The following GIPC2 variants were observed in gnomAD, a reference collection of about 807,000 sequenced individuals.
GIPC2 encodes GIPC PDZ domain containing family member 2.
GIPC2 carries 30 observed loss-of-function variants against 30.6 expected under a neutral mutation model. The observed-to-expected ratio is 0.98, with a 90% CI of 0.73 to 1.33. The LOEUF (loss-of-function observed/expected upper bound fraction) is 1.33, where lower values mean the gene tolerates loss of function less well. GIPC2 is among the 40% of genes most tolerant of loss of function. GIPC2 has a pLI of 0.00. For synonymous variants in GIPC2, 167 were observed against 150.0 expected (o/e 1.11, Z -0.83); for missense variants, 414 against 390.3 (o/e 1.06, Z -0.51).
intron 3 of GIPC2, among the ~76,000 whole-genome samples, chr1:78,106,950 A>G (rs1023149332): frequency 6.6e-6 from 1 of 152,154 alleles, no homozygotes. Context: ...TGCTGGGATT[A>G]CAGGCATGAG....
intron 1 of GIPC2, among the ~76,000 whole-genome samples, chr1:78,072,778 C>G (rs1661646373): frequency 1.3e-5 from 2 of 151,966 alleles, no homozygotes; most frequent in South Asian, 4.1e-4. Flanking sequence ...GTGGTACTAA[C>G]TCCTGAGGAA....
intron 1 of GIPC2, among the ~76,000 whole-genome samples, chr1:78,068,312 A>G (rs1048349966): frequency 2.0e-5 from 3 of 152,188 alleles, no homozygotes; most frequent in Admixed American, 2.0e-4. Flanking sequence ...AATCTTGGTC[A>G]TTATGCTCAA....
At chr1:78,100,963 C>T (rs1429080723) in intron 3 of GIPC2, among the ~76,000 whole-genome samples, 3 of 150,110 alleles carry the variant, frequency 2.0e-5, no homozygotes, top group Non-Finnish European at 4.4e-5. Context: ...CACACACACA[C>T]ACACACACAC....
intron 1 of GIPC2, among the ~76,000 whole-genome samples, chr1:78,069,596 C>T (rs192500867): frequency 1.6e-3 from 239 of 151,680 alleles, no homozygotes; most frequent in African/African-American, 5.5e-3. Context: ...ACCTCAGCCT[C>T]CTGAGTAGCT....
chr1:78,054,656 G>A (rs546280516), intron 1 of GIPC2, among the ~76,000 whole-genome samples: 53 of 152,208 alleles, frequency 3.5e-4, no homozygotes, highest in African/African-American at 1.2e-3. Context: ...CATTATGTAG[G>A]CTTGATATCC....
chr1:78,112,921 C>T (rs1328392966), intron 3 of GIPC2, among the ~76,000 whole-genome samples: 2 of 152,062 alleles, frequency 1.3e-5, no homozygotes, highest in Non-Finnish European at 2.9e-5. Context: ...GAACAGCATT[C>T]GTTATTTGGG....
At chr1:78,135,460 A>G (rs7367149) in intron 5 of GIPC2, 132 bp from the exon 6 acceptor site, 14,352 of 607,352 alleles carry the variant, frequency 0.024, 323 homozygotes, top group South Asian at 0.076. Flanking sequence ...TTTAATTTGC[A>G]TTTAATTTTG....
At chr1:78,123,319 A>G (rs1157465319) in intron 4 of GIPC2, among the ~76,000 whole-genome samples, 1 of 149,836 alleles carries the variant, frequency 6.7e-6, no homozygotes, top group Non-Finnish European at 1.5e-5. Flanking sequence ...TTAGTGAGTG[A>G]GTTCAAAATG....
At chr1:78,055,933 T>A (rs998504904) in intron 1 of GIPC2, among the ~76,000 whole-genome samples, 1 of 152,186 alleles carries the variant, frequency 6.6e-6, no homozygotes, top group African/African-American at 2.4e-5. Flanking sequence ...TTTTCCGTTC[T>A]CTATGACCTT....
chr1:78,090,493 C>T (rs539228), intron 2 of GIPC2, among the ~76,000 whole-genome samples: 34,048 of 152,008 alleles, frequency 0.22, 4,140 homozygotes, highest in East Asian at 0.49. Flanking sequence ...CCGCACCAAG[C>T]TGAGACTTGT....
Position 78,135,664 on chromosome 1 carries a change from T to A in GIPC2, c.869T>A (p.Leu290His), listed in dbSNP as rs759847200. 6.2e-7 allele frequency: 1 copy of A among 1,612,586 alleles called. No individual in the cohort carries two copies. The highest frequency in any genetic ancestry group is 8.5e-7 in the Non-Finnish European group (1 of 1,178,870). Residue 290 changes from leucine (L) to histidine (H), a missense_variant, in exon 6 of 6, where the codon CTT (leucine) becomes CAT (histidine). Transcript: ENST00000370759. ...DEFAVALDET[L>H]GDFAFPDEFV... is the part of the protein sequence containing the mutation. ...TTTGCTGTGGCACTTGACGAAACTC[T>A]TGGAGACTTTGCGTTCCCAGACGAA...
intron 4 of GIPC2, among the ~76,000 whole-genome samples, chr1:78,124,062 G>A (rs1662736231): frequency 6.6e-6 from 1 of 152,262 alleles, no homozygotes; most frequent in East Asian, 1.9e-4. Flanking sequence ...AGTATTGAAA[G>A]TAACATGAAA....
intron 1 of GIPC2, among the ~76,000 whole-genome samples, chr1:78,069,517 A>T (rs1661579017): frequency 7.3e-6 from 1 of 136,954 alleles, no homozygotes. Context: ...TCTATCTCCC[A>T]GGCTGGAGTG....
At chr1:78,059,744 C>G (rs1661358042) in intron 1 of GIPC2, among the ~76,000 whole-genome samples, 1 of 151,732 alleles carries the variant, frequency 6.6e-6, no homozygotes, top group South Asian at 2.1e-4. Flanking sequence ...GCCCTCCAGC[C>G]TGGGTAACAA....
chr1:78,099,484 G>A (rs1662199842), intron 3 of GIPC2, among the ~76,000 whole-genome samples: 1 of 150,844 alleles, frequency 6.6e-6, no homozygotes, highest in Non-Finnish European at 1.5e-5. Flanking sequence ...TGTTGCCCGG[G>A]ATGGAGTACA....
chr1:78,110,148 C>T (rs1342315518), intron 3 of GIPC2, among the ~76,000 whole-genome samples: 3 of 151,588 alleles, frequency 2.0e-5, no homozygotes, highest in Non-Finnish European at 2.9e-5. Flanking sequence ...AACTAACCTG[C>T]ACGTTGTGCA....
chr1:78,121,721 C>T (rs1435452099), intron 4 of GIPC2, among the ~76,000 whole-genome samples: 1 of 152,114 alleles, frequency 6.6e-6, no homozygotes, highest in Non-Finnish European at 1.5e-5. Flanking sequence ...GTGAAGGAAA[C>T]CCAGGGCAGT....
intron 2 of GIPC2, among the ~76,000 whole-genome samples, chr1:78,084,001 A>C (rs1661880898): frequency 6.9e-6 from 1 of 144,392 alleles, no homozygotes; most frequent in Non-Finnish European, 1.5e-5. Context: ...TCATACACTG[A>C]AGTCAAGTTC....
intron 5 of GIPC2, among the ~76,000 whole-genome samples, chr1:78,129,094 C>T (rs1662842325): frequency 2.0e-5 from 3 of 151,592 alleles, no homozygotes; most frequent in African/African-American, 7.3e-5. Context: ...ACATTCCTTA[C>T]AAATTCTTTG....
Sources: allele counts gnomAD v4.1 joint callset (sites outside exome capture counted in the v4.1 genomes callset), GRCh38; gene constraint gnomAD v4.1.1; transcripts MANE v1.5; gene names NCBI Gene and HGNC (gene_info 2026-07-23, HGNC 2026-07-21).